BRI3: variants seen among roughly 807,000 people sequenced by gnomAD.
The protein encoded by BRI3 is membrane protein BRI3.
In BRI3, 6 loss-of-function variants were observed where a neutral mutation model predicts 12.8. The ratio of observed to expected loss-of-function variants is 0.47; its 90% CI spans 0.26 to 0.93. BRI3 has a LOEUF of 0.93. Ranked by LOEUF, BRI3 falls within the 40% of genes least tolerant of loss-of-function variation. The pLI is 0.15. For missense variants in BRI3, 134 were observed against 171.1 expected (o/e 0.78, Z 1.21); for synonymous variants, 91 against 76.1 (o/e 1.20, Z -1.02).
the BRI3 span, chr7:98,320,249 A>G: frequency 1.2e-6 from 2 of 1,608,802 alleles, no homozygotes; most frequent in East Asian, 4.5e-5. Context: ...TTTCATCAAG[A>G]CTCTCGTTGA....
chr7:98,291,690 T>G (rs191511048), downstream of BRI3: 71 of 267,054 alleles, frequency 2.7e-4, no homozygotes, highest in Admixed American at 2.1e-3. Context: ...TGTAATCCCT[T>G]GATATTTACA....
intron 2 of BRI3, among the ~76,000 whole-genome samples, chr7:98,288,959 TTC>T (rs1288503069): frequency 5.3e-5 from 8 of 152,002 alleles, no homozygotes; most frequent in Non-Finnish European, 1.5e-5. Flanking sequence ...TGAAGTTTTT[TTC>T]TTTTTTCTTT....
chr7:98,291,714 G>A (rs540076335), downstream of BRI3: 8 of 217,754 alleles, frequency 3.7e-5, no homozygotes, highest in East Asian at 3.6e-4. Context: ...CAGGCACCTC[G>A]GTGCCAAGGA....
rs951927899 is a variant in BRI3 at position 98,281,695 on chromosome 7, C to T, written c.-101C>T. 2 of 523,870 alleles carry T rather than the reference C, an allele frequency of 3.8e-6. No individual in the cohort carries two copies. Among genetic ancestry groups the T allele is most frequent in the Non-Finnish European group, 4.9e-6 (2 of 410,088 alleles). The allele number at this position is 523,870 out of a possible 1,614,324, so 32.5% of individuals were successfully genotyped here. A position where few individuals can be genotyped will look rare whatever the true frequency, so the allele number is the denominator to read the frequency against. The stretch of plus-strand genomic sequence containing the variant: ...GCCCCGCGTCTGCCTCAGAGGGGCC[C>T]GAGCCACCCGGTCCGCCGCGTCCCC... On this transcript the variant is annotated 5_prime_UTR_variant, in exon 1 of 3. Coordinates refer to ENST00000297290, the MANE Select transcript of BRI3 (RefSeq NM_015379.5).
chr7:98,294,158 T>C (rs773018564), downstream of BRI3: 8 of 1,592,744 alleles, frequency 5.0e-6, no homozygotes, highest in Admixed American at 1.2e-4. Flanking sequence ...AATTGGTCTT[T>C]TAAAAATTAT....
upstream of BRI3, among the ~76,000 whole-genome samples, chr7:98,302,698 C>A (rs541791463): frequency 8.9e-4 from 136 of 152,294 alleles, no homozygotes; most frequent in African/African-American, 3.1e-3. Context: ...AGAGGGGGGA[C>A]CTGTAGCTAG....
At chr7:98,292,949 G>A (rs561637864), downstream of BRI3, 63 of 1,244,400 alleles carry the variant, frequency 5.1e-5, no homozygotes, top group African/African-American at 7.2e-4. Context: ...CAGCTCTGGC[G>A]TGGTTGGAGG....
chr7:98,293,706 TC>T, downstream of BRI3: 2 of 1,054,998 alleles, frequency 1.9e-6, no homozygotes, highest in African/African-American at 1.5e-5. Flanking sequence ...GCTGACCACC[TC>T]CCCAGCTTGT....
chr7:98,322,856 C>A, the BRI3 span: 1 of 152,276 alleles, frequency 6.6e-6, no homozygotes, highest in South Asian at 2.1e-4. Context: ...CCTGCTCCCG[C>A]CATGGTGTTC....
chr7:98,316,297 G>A, the BRI3 span, among the ~76,000 whole-genome samples: 7 of 152,114 alleles, frequency 4.6e-5, no homozygotes, highest in Admixed American at 1.3e-4. Flanking sequence ...GCCCAGTCTC[G>A]GGGTATGTCT....
downstream of BRI3, chr7:98,292,837 G>A (rs1439846546): frequency 2.7e-6 from 4 of 1,466,128 alleles, no homozygotes; most frequent in South Asian, 1.4e-5. Flanking sequence ...CAGCGAATCC[G>A]TTGGCGACTC....
chr7:98,287,230 C>T (rs1215295206), intron 2 of BRI3, among the ~76,000 whole-genome samples: 2 of 152,166 alleles, frequency 1.3e-5, no homozygotes, highest in Non-Finnish European at 2.9e-5. Flanking sequence ...CTTGGCCCTC[C>T]TACCCTCTCT....
chr7:98,301,462 C>CT (rs61208842), intron 1 of BRI3, among the ~76,000 whole-genome samples: 84 of 130,670 alleles, frequency 6.4e-4, no homozygotes, highest in East Asian at 1.4e-3. Flanking sequence ...AGCCTTCTAG[C>CT]TTTTTTTTTT....
upstream of BRI3, chr7:98,304,424 C>G: frequency 1.3e-6 from 2 of 1,585,328 alleles, no homozygotes; most frequent in Non-Finnish European, 1.7e-6. Context: ...GTCTCACCAC[C>G]AAACCCCAAA....
chr7:98,303,195 G>A (rs1288829314), upstream of BRI3, among the ~76,000 whole-genome samples: 2 of 152,166 alleles, frequency 1.3e-5, no homozygotes, highest in African/African-American at 2.4e-5. Flanking sequence ...CAAGGCTCAC[G>A]CGTAGGTCTG....
chr7:98,291,035 G>A (rs974870981), intron 2 of BRI3, 76 bp from the exon 3 acceptor site: 1 of 1,557,860 alleles, frequency 6.4e-7, no homozygotes. Flanking sequence ...GTTATTGAAT[G>A]CAAGGGTGGC....
chr7:98,306,442 G>A (rs989829844), upstream of BRI3: 1 of 1,614,048 alleles, frequency 6.2e-7, no homozygotes, highest in Non-Finnish European at 8.5e-7. Context: ...GGGCTACCTT[G>A]GCGTGGGCAC....
intron 2 of BRI3, among the ~76,000 whole-genome samples, chr7:98,285,583 G>A (rs1027045652): frequency 4.6e-5 from 7 of 152,208 alleles, no homozygotes; most frequent in African/African-American, 1.7e-4. Context: ...GTGCCCAAGT[G>A]CTCCCTCAGT....
rs1799521642 is a variant in BRI3 at position 98,281,744 on chromosome 7, C to T, written c.-52C>T. On this transcript the variant is annotated 5_prime_UTR_variant, in exon 1 of 3. Coordinates refer to ENST00000297290, the MANE Select transcript of BRI3 (RefSeq NM_015379.5). ...CCGCCGCCGCCGCCGCGTCCCCCGC[C>T]GGGGCCGACCGAGCCGAGCCGGGCC... is the stretch of plus-strand genomic sequence containing the variant. 8.5e-6 allele frequency: 8 copies of T among 945,090 alleles called. No individual in the cohort carries two copies. Among genetic ancestry groups the T allele is most frequent in the Middle Eastern group, 5.2e-4 (1 of 1,940 alleles). 58.5% of individuals were successfully genotyped at this position (945,090 alleles called of 1,614,324 possible).
Sources: gnomAD v4.1 joint callset for allele counts (sites outside exome capture counted in the v4.1 genomes callset) on GRCh38, gnomAD v4.1.1 for gene constraint, MANE v1.5 for transcripts, NCBI Gene and HGNC (gene_info 2026-07-23, HGNC 2026-07-21) for gene names.